Variants in RECK observed in about 807,000 individuals in gnomAD.
RECK encodes reversion-inducing cysteine-rich protein with Kazal motifs.
A neutral mutation model predicts 115.1 loss-of-function variants in RECK; 69 were observed. That is an observed-to-expected ratio of 0.60 (90% CI 0.49 to 0.73). RECK has a LOEUF of 0.73. RECK is among the 30% of genes least tolerant of loss of function. The probability of loss-of-function intolerance (pLI) is 0.00; values close to 1 mark genes in which losing one functional copy is unlikely to be tolerated. For synonymous variants in RECK, 414 were observed against 419.7 expected, an observed-to-expected ratio of 0.99 and a Z score of 0.17; for missense variants, 1,047 against 1,203.7, an observed-to-expected ratio of 0.87 and a Z score of 1.93.
At chr9:36,043,613 G>A (rs563295624) in intron 1 of RECK, among the ~76,000 whole-genome samples, 3 of 152,014 alleles carry the variant, frequency 2.0e-5, no homozygotes, top group African/African-American at 7.2e-5. Context: ...GTCTAGGTGG[G>A]TTTTTCCGAT....
Position 36,062,522 on chromosome 9 carries a change from G to C in RECK, c.272-1273G>C, listed in dbSNP as rs549769681. 3.9e-3 allele frequency among the ~76,000 whole-genome samples: 585 copies of C among 151,926 alleles called. 5 individuals are homozygous for C. Among genetic ancestry groups the C allele is most frequent in the Non-Finnish European group, 6.3e-3 (426 of 67,970 alleles). On this transcript the variant is annotated intron_variant, in intron 4 of 20. Transcript: ENST00000377966. ...TGAGACAGAGTCTTGCTGTTGCCCA[G>C]GCTGGAGTGCAGTGGTGCAGTCTCG...
At chr9:36,056,192 A>G (rs545581574) in intron 2 of RECK, among the ~76,000 whole-genome samples, 12 of 152,220 alleles carry the variant, frequency 7.9e-5, no homozygotes, top group African/African-American at 2.9e-4. Context: ...CTCAATTGTC[A>G]TATTATTTGA....
At chr9:36,088,016 T>C in intron 9 of RECK, 55 bp downstream of exon 9, 1 of 1,361,120 alleles carries the variant, frequency 7.3e-7, no homozygotes, top group Admixed American at 1.8e-5. Flanking sequence ...TTTTAATTAA[T>C]GATTTTAAGC....
At chr9:36,059,236 T>C (rs1271292478) in intron 3 of RECK, among the ~76,000 whole-genome samples, 1 of 150,470 alleles carries the variant, frequency 6.6e-6, no homozygotes, top group Non-Finnish European at 1.5e-5. Context: ...GCGGGTGGAT[T>C]ACCTGAGGTC....
At chr9:36,084,246 A>G (rs138277549) in intron 8 of RECK, among the ~76,000 whole-genome samples, 236 of 152,066 alleles carry the variant, frequency 1.6e-3, no homozygotes, top group African/African-American at 5.6e-3. Flanking sequence ...AAAATACAGA[A>G]ATTAGCCAGG....
chr9:36,118,964 C>T lies in RECK; in HGVS notation c.2461C>T (p.Pro821Ser), dbSNP rs373692210. The T allele has an allele frequency of 5.6e-6, 9 of 1,611,920 alleles. No homozygotes were observed. Among genetic ancestry groups the T allele is most frequent in the Non-Finnish European group, 5.1e-6 (6 of 1,179,570 alleles). Residue 821 changes from proline (P) to serine (S), a missense_variant, in exon 18 of 21, where the codon CCG becomes TCG. Transcript: ENST00000377966. ...AGCTGGATGCAAACCCATCATCCCA[C>T]CGGGTAGGCTGGCAGTATCGGGGTG... is the stretch of plus-strand genomic sequence containing the variant. Reference protein sequence around the residue: ...LAAGCKPIIPPGACCPLCAGM... With the variant: ...LAAGCKPIIPSGACCPLCAGM...
intron 9 of RECK, among the ~76,000 whole-genome samples, chr9:36,088,896 C>T (rs2132634918): frequency 6.6e-6 from 1 of 152,300 alleles, no homozygotes. Context: ...TGGCACATGC[C>T]TGTAATTCCA....
At chr9:36,059,299 T>G (rs1244277931) in intron 3 of RECK, among the ~76,000 whole-genome samples, 1 of 151,826 alleles carries the variant, frequency 6.6e-6, no homozygotes, top group Non-Finnish European at 1.5e-5. Context: ...CTACTAAAAA[T>G]ACAAAAATTA....
intron 6 of RECK, among the ~76,000 whole-genome samples, chr9:36,074,667 A>AGGT: frequency 6.6e-6 from 1 of 152,204 alleles, no homozygotes; most frequent in East Asian, 1.9e-4. Flanking sequence ...GAATTATTCA[A>AGGT]GGTTCTTTGT....
At chr9:36,091,374 A>G (rs1185492815) in intron 10 of RECK, 31 bp downstream of exon 10, 1 of 1,350,722 alleles carries the variant, frequency 7.4e-7, no homozygotes, top group East Asian at 2.6e-5. Flanking sequence ...TGGAATGGAA[A>G]TATTTTATCA....
chr9:36,082,650 A>G (rs1483946337), intron 7 of RECK, among the ~76,000 whole-genome samples: 1 of 152,206 alleles, frequency 6.6e-6, no homozygotes, highest in Non-Finnish European at 1.5e-5. Context: ...AAATAAATAA[A>G]TCCAGAGTAA....
chr9:36,055,628 C>A (rs1289081790), intron 2 of RECK, among the ~76,000 whole-genome samples: 3 of 152,122 alleles, frequency 2.0e-5, no homozygotes, highest in Non-Finnish European at 4.4e-5. Flanking sequence ...AGTTGAGGAA[C>A]AGGGACTCAA....
At chr9:36,096,902 TATC>T (rs576992976) in intron 10 of RECK, among the ~76,000 whole-genome samples, 323 of 144,810 alleles carry the variant, frequency 2.2e-3, no homozygotes, top group African/African-American at 7.4e-3. Context: ...ATGTTCAACA[TATC>T]ATGCACAGGT....
chr9:36,041,437 T>C (rs1348468915), intron 1 of RECK, among the ~76,000 whole-genome samples: 3 of 152,210 alleles, frequency 2.0e-5, no homozygotes, highest in South Asian at 2.1e-4. Context: ...ATACTGACTG[T>C]TGAAGAGGAC....
chr9:36,083,979 A>C (rs139095755), intron 8 of RECK, among the ~76,000 whole-genome samples: 4 of 152,242 alleles, frequency 2.6e-5, no homozygotes, highest in African/African-American at 9.6e-5. Flanking sequence ...GGTATAATAG[A>C]GAAAAATGAC....
At chr9:36,062,604 A>G (rs1821821604) in intron 4 of RECK, among the ~76,000 whole-genome samples, 1 of 151,914 alleles carries the variant, frequency 6.6e-6, no homozygotes, top group South Asian at 2.1e-4. Context: ...CACCCTCCCG[A>G]GTAGTTTGGA....
At position 36,106,239 on chromosome 9, in the gene RECK, CG is replaced by C. The variant is rs552667666; in HGVS notation, c.1576+957del. Among the ~76,000 whole-genome samples, 8 of 137,524 alleles carry C rather than the reference CG, an allele frequency of 5.8e-5. No homozygotes were observed. In the South Asian group the frequency reaches 1.3e-3, roughly 23 times the overall value. 90.2% of individuals were successfully genotyped at this position (137,524 alleles called of 152,430 possible). ...AAAAAAAAAAAAGATTAAAAAAAAA[CG>C]TTTTTTTTTTTGAGACGGGGTTTCA... On this transcript the variant is annotated intron_variant, in intron 13 of 20. Transcript: ENST00000377966.
chr9:36,059,465 A>G lies in RECK; in HGVS notation c.234+564A>G, dbSNP rs879894265. Among the ~76,000 whole-genome samples, 270 of 152,284 alleles carry G rather than the reference A, an allele frequency of 1.8e-3. 1 individual carries two copies. The highest frequency in any genetic ancestry group is 3.0e-3 in the Non-Finnish European group (204 of 68,024). ...AGTAAGACTCCGTCTCAAAAAAAAA[A>G]AAAAAATTATCTGGAACTTAGAATT... On this transcript the variant is annotated intron_variant, in intron 3 of 20. Transcript: ENST00000377966.
At chr9:36,120,537 G>A (rs530233575) in intron 18 of RECK, 126 bp from the exon 19 acceptor site, 8 of 705,750 alleles carry the variant, frequency 1.1e-5, no homozygotes, top group East Asian at 1.1e-4. Context: ...TTATATGAAG[G>A]TACAGTCTTT....
Sources: gnomAD v4.1 joint callset for allele counts (sites outside exome capture counted in the v4.1 genomes callset) on GRCh38, gnomAD v4.1.1 for gene constraint, MANE v1.5 for transcripts, NCBI Gene and HGNC (gene_info 2026-07-23, HGNC 2026-07-21) for gene names.